The following DNAJC1 variants were observed in gnomAD, a reference collection of about 807,000 sequenced individuals.
DNAJC1 encodes dnaJ homolog subfamily C member 1.
Under a neutral mutation model 76.6 loss-of-function variants are expected in DNAJC1, and 58 were observed. That is an observed-to-expected ratio of 0.76 (90% CI 0.61 to 0.94). DNAJC1 has a LOEUF of 0.94. Among genes scored for constraint, DNAJC1 ranks in the 40% least tolerant of loss-of-function variants. The pLI, the probability that DNAJC1 is intolerant of heterozygous loss-of-function variation, is 0.00. For missense variants in DNAJC1, 689 were observed against 677.3 expected (o/e 1.02, Z -0.19); for synonymous variants, 258 against 267.9 (o/e 0.96, Z 0.36).
intron 5 of DNAJC1, 110 bp from the exon 6 acceptor site, chr10:21,918,982 C>A: frequency 1.4e-6 from 1 of 698,782 alleles, no homozygotes; most frequent in East Asian, 2.7e-5. Context: ...TGAATGGCTA[C>A]TTCAACAAAA....
At chr10:21,911,027 A>T (rs28495608) in intron 6 of DNAJC1, among the ~76,000 whole-genome samples, 1 of 134,950 alleles carries the variant, frequency 7.4e-6, no homozygotes, top group Non-Finnish European at 1.6e-5. Flanking sequence ...GAAAAAGAGA[A>T]AGAAAGAGAG....
intron 1 of DNAJC1, among the ~76,000 whole-genome samples, chr10:21,949,411 C>CTT (rs1201250094): frequency 5.6e-4 from 39 of 70,172 alleles, no homozygotes; most frequent in African/African-American, 1.1e-3. Flanking sequence ...CCCCCTTCTT[C>CTT]TTTTTTTTTT....
intron 8 of DNAJC1, among the ~76,000 whole-genome samples, chr10:21,809,812 A>T (rs1458326945): frequency 6.6e-6 from 1 of 152,172 alleles, no homozygotes; most frequent in Non-Finnish European, 1.5e-5. Context: ...GTATAAAAAC[A>T]ACAACAAAAT....
intron 8 of DNAJC1, among the ~76,000 whole-genome samples, chr10:21,836,129 C>T (rs912338207): frequency 9.2e-5 from 14 of 152,188 alleles, no homozygotes; most frequent in South Asian, 2.1e-4. Context: ...GCGGATCTCT[C>T]GGCAGAAACT....
At chr10:21,758,758 G>C (rs1834205973) in intron 11 of DNAJC1, among the ~76,000 whole-genome samples, 1 of 152,222 alleles carries the variant, frequency 6.6e-6, no homozygotes, top group African/African-American at 2.4e-5. Context: ...TGGGCCTTGT[G>C]ATTTATGAAC....
intron 3 of DNAJC1, among the ~76,000 whole-genome samples, chr10:21,925,903 C>T (rs542043041): frequency 6.6e-6 from 1 of 152,322 alleles, no homozygotes; most frequent in African/African-American, 2.4e-5. Flanking sequence ...CTTAACTGTA[C>T]ACTTAAAACA....
At chr10:21,888,489 T>C (rs753870610) in intron 7 of DNAJC1, among the ~76,000 whole-genome samples, 26 of 152,196 alleles carry the variant, frequency 1.7e-4, no homozygotes, top group Non-Finnish European at 3.7e-4. Context: ...TCAACCTGAA[T>C]GCCCATCAAT....
At chr10:21,813,410 A>G (rs1386186642) in intron 8 of DNAJC1, among the ~76,000 whole-genome samples, 1 of 142,258 alleles carries the variant, frequency 7.0e-6, no homozygotes, top group Non-Finnish European at 1.5e-5. Flanking sequence ...TTTTTTTGAG[A>G]CGGAGTCTCA....
At chr10:21,994,036 G>C (rs2131849533) in intron 1 of DNAJC1, among the ~76,000 whole-genome samples, 1 of 151,880 alleles carries the variant, frequency 6.6e-6, no homozygotes, top group Non-Finnish European at 1.5e-5. Context: ...AACTTCTCTG[G>C]GACTTTTCTT....
At chr10:21,994,579 G>C (rs1838383523) in intron 1 of DNAJC1, among the ~76,000 whole-genome samples, 1 of 152,082 alleles carries the variant, frequency 6.6e-6, no homozygotes, top group Non-Finnish European at 1.5e-5. Context: ...ACGAGGTCAG[G>C]AGATCAAGAC....
At chr10:21,759,687 C>A (rs528420852) in intron 10 of DNAJC1, 69 bp from the exon 11 acceptor site, 1 of 1,476,312 alleles carries the variant, frequency 6.8e-7, no homozygotes, top group Non-Finnish European at 9.2e-7. Flanking sequence ...AGAACAGCAG[C>A]TGCCGGGCAC....
intron 8 of DNAJC1, among the ~76,000 whole-genome samples, chr10:21,826,328 CTTTT>C (rs1835253780): frequency 6.7e-6 from 1 of 148,720 alleles, no homozygotes; most frequent in Non-Finnish European, 1.5e-5. Context: ...CTCTCTCTCT[CTTTT>C]TATTTTAGAG....
chr10:21,927,573 T>C (rs1261775075), intron 3 of DNAJC1, among the ~76,000 whole-genome samples: 1 of 152,240 alleles, frequency 6.6e-6, no homozygotes, highest in Non-Finnish European at 1.5e-5. Context: ...GAAATGAATT[T>C]AGTGAACCAC....
In DNAJC1 at chr10:21,944,918, G is replaced by A. The variant is rs12771210; in HGVS notation, c.223-15777C>T. 8.3e-3 allele frequency among the ~76,000 whole-genome samples: 1,266 copies of A among 152,294 alleles called. 8 individuals carry two copies. Among genetic ancestry groups the A allele is most frequent in the Middle Eastern group, 0.037 (11 of 294 alleles). On this transcript the variant is annotated intron_variant, in intron 1 of 11. Coordinates refer to ENST00000376980, the MANE Select transcript of DNAJC1 (RefSeq NM_022365.4). ...ACATCTGCAGAAATAGGAAAACACT[G>A]GAAGAAAATCCGCAGGCCAGAGAAG... is the stretch of plus-strand genomic sequence containing the variant.
intron 8 of DNAJC1, among the ~76,000 whole-genome samples, chr10:21,829,615 G>A (rs962984909): frequency 6.6e-6 from 1 of 152,220 alleles, no homozygotes; most frequent in Non-Finnish European, 1.5e-5. Context: ...GCCTCCCCAA[G>A]TGCTGGGATT....
Position 22,003,329 on chromosome 10 carries a change from G to A in DNAJC1, c.106C>T (p.Leu36=). 6.6e-7 allele frequency: 1 copy of A among 1,516,584 alleles called. No individual in the cohort carries two copies. The highest frequency in any genetic ancestry group is 1.2e-5 in the South Asian group (1 of 80,216). 93.9% of individuals were successfully genotyped at this position (1,516,584 alleles called of 1,614,324 possible). A position where few individuals can be genotyped will look rare whatever the true frequency, so the allele number is the denominator to read the frequency against. Residue 36 remains leucine, a synonymous_variant, in exon 1 of 12, where the codon CTG becomes TTG. Coordinates refer to ENST00000376980, the MANE Select transcript of DNAJC1 (RefSeq NM_022365.4). The part of the protein sequence containing the change: ...PPRTPLLWLL[L]LLLAAVAPAR... ...GGCGCCACGGCGGCCAGCAGCAGCAGCAGCAGCCACAGCAGCGGCGTCCGC... is the reference window on the plus strand; with the variant it reads ...GGCGCCACGGCGGCCAGCAGCAGCAACAGCAGCCACAGCAGCGGCGTCCGC...
intron 8 of DNAJC1, among the ~76,000 whole-genome samples, chr10:21,812,762 T>G (rs1418735072): frequency 1.3e-5 from 2 of 152,072 alleles, no homozygotes; most frequent in Non-Finnish European, 2.9e-5. Flanking sequence ...TTGAAATAGC[T>G]TTAGGTTTAT....
At chr10:21,950,284 A>T (rs959639910) in intron 1 of DNAJC1, among the ~76,000 whole-genome samples, 6 of 152,118 alleles carry the variant, frequency 3.9e-5, no homozygotes, top group Non-Finnish European at 7.4e-5. Context: ...CATTTTCATT[A>T]TTATTACCTC....
chr10:21,922,171 C>T (rs1374490585), intron 3 of DNAJC1, among the ~76,000 whole-genome samples: 1 of 151,830 alleles, frequency 6.6e-6, no homozygotes, highest in Non-Finnish European at 1.5e-5. Context: ...GCTAAACTGC[C>T]AGTCTTGACA....
Sources: allele counts gnomAD v4.1 joint callset (sites outside exome capture counted in the v4.1 genomes callset), GRCh38; gene constraint gnomAD v4.1.1; transcripts MANE v1.5; gene names NCBI Gene and HGNC (gene_info 2026-07-23, HGNC 2026-07-21).